The following PKHD1 variants were observed in gnomAD, a reference collection of about 807,000 sequenced individuals.
PKHD1 encodes the protein fibrocystin.
A neutral mutation model predicts 412.0 loss-of-function variants in PKHD1; 291 were observed. The ratio of observed to expected loss-of-function variants is 0.71; its 90% confidence interval spans 0.64 to 0.78. The LOEUF (loss-of-function observed/expected upper bound fraction) is 0.78, where lower values mean the gene tolerates loss of function less well. PKHD1 is among the 30% of genes least tolerant of loss of function. The pLI is 0.00. For synonymous variants in PKHD1, 1,777 were observed against 1,821.5 expected (o/e 0.98, Z 0.62); for missense variants, 4,825 against 4,950.7 (o/e 0.97, Z 0.76).
At chr6:51,848,495 G>A (rs1163933328) in intron 49 of PKHD1, among the ~76,000 whole-genome samples, 1 of 152,132 alleles carries the variant, frequency 6.6e-6, no homozygotes, top group African/African-American at 2.4e-5. Flanking sequence ...TTTACATTGA[G>A]GAAACTGAGG....
At position 52,017,499 on chromosome 6, in the gene PKHD1, G is replaced by A. The variant is rs1241103975; in HGVS notation, c.5511C>T (p.Leu1837=). The part of the protein sequence containing the change: ...TEQLLESWPY[L]YICEESSQCL... ...ATTGGGAACTTTCCTCGCAAATGTA[G>A]AGGTAAGGCCACGATTCAAGCAGTT... Residue 1837 remains leucine (L), a synonymous_variant, in exon 34 of 67, where the codon CTC becomes CTT. Coordinates refer to ENST00000371117, the MANE Select transcript of PKHD1 (RefSeq NM_138694.4). 1.9e-6 allele frequency: 3 copies of A among 1,614,018 alleles called. No homozygotes were observed. The South Asian group carries it at 3.3e-5, about 18-fold the overall frequency.
At chr6:51,825,351 G>C (rs1767127785) in intron 52 of PKHD1, among the ~76,000 whole-genome samples, 1 of 152,156 alleles carries the variant, frequency 6.6e-6, no homozygotes, top group Non-Finnish European at 1.5e-5. Context: ...CAGCTTAGAA[G>C]GCATGTGGCT....
chr6:51,670,290 A>G (rs1445750902), intron 60 of PKHD1, among the ~76,000 whole-genome samples: 1 of 152,098 alleles, frequency 6.6e-6, no homozygotes, highest in African/African-American at 2.4e-5. Context: ...TGATCCGTTT[A>G]CCATTATGTA....
At chr6:51,819,515 T>C (rs1766026772) in intron 52 of PKHD1, among the ~76,000 whole-genome samples, 1 of 152,128 alleles carries the variant, frequency 6.6e-6, no homozygotes, top group East Asian at 1.9e-4. Flanking sequence ...TCTTACAGTA[T>C]ATGCTTTCAT....
intron 61 of PKHD1, among the ~76,000 whole-genome samples, chr6:51,655,681 C>T (rs1325301509): frequency 1.3e-5 from 2 of 152,088 alleles, no homozygotes; most frequent in Admixed American, 1.3e-4. Context: ...GCCAGGAGTC[C>T]AGACAGGCTT....
At chr6:51,674,221 A>G (rs1049298516) in intron 60 of PKHD1, among the ~76,000 whole-genome samples, 7 of 152,190 alleles carry the variant, frequency 4.6e-5, no homozygotes, top group African/African-American at 1.7e-4. Flanking sequence ...TTGTCATTTC[A>G]GCTATCACAT....
At chr6:51,672,355 T>C (rs1294742422) in intron 60 of PKHD1, among the ~76,000 whole-genome samples, 3 of 152,190 alleles carry the variant, frequency 2.0e-5, no homozygotes, top group East Asian at 3.9e-4. Context: ...ACACCACTTA[T>C]GATGAAGGAA....
At position 51,965,927 on chromosome 6, in the gene PKHD1, T is replaced by A. The variant is rs114182017; in HGVS notation, c.5752-5901A>T. 3.4e-3 allele frequency among the ~76,000 whole-genome samples: 519 copies of A among 152,198 alleles called. 1 individual carries two copies. Among genetic ancestry groups the A allele is most frequent in the African/African-American group, 0.012 (499 of 41,516 alleles). ...CGTTTCCTCTATTTGAATCTTCAAA[T>A]CTCCTCTAATAGTATCTCTTCTGAA... On this transcript the variant is annotated intron_variant, in intron 35 of 66. Coordinates refer to ENST00000371117, the MANE Select transcript of PKHD1 (RefSeq NM_138694.4).
chr6:51,986,485 A>C (rs1796232391), intron 35 of PKHD1, among the ~76,000 whole-genome samples: 1 of 152,224 alleles, frequency 6.6e-6, no homozygotes, highest in African/African-American at 2.4e-5. Context: ...GAAGGGACGA[A>C]ATACATCAAT....
intron 55 of PKHD1, among the ~76,000 whole-genome samples, chr6:51,765,978 A>G (rs766261547): frequency 1.1e-4 from 17 of 152,116 alleles, no homozygotes; most frequent in Non-Finnish European, 1.6e-4. Flanking sequence ...AGCCTTCTCC[A>G]ACTTCCCATA....
At chr6:51,717,185 G>A (rs550081759) in intron 60 of PKHD1, among the ~76,000 whole-genome samples, 2 of 152,348 alleles carry the variant, frequency 1.3e-5, no homozygotes, top group African/African-American at 4.8e-5. Context: ...GCCAAGGCAG[G>A]CGGATCACTT....
chr6:51,938,160 A>T (rs776039008), intron 36 of PKHD1, among the ~76,000 whole-genome samples: 22 of 152,370 alleles, frequency 1.4e-4, no homozygotes, highest in Non-Finnish European at 3.1e-4. Flanking sequence ...TATTTAAATG[A>T]TTACTAGCCA....
Position 51,747,786 on chromosome 6 carries a change from C to A in PKHD1, c.9829+1G>T, listed in dbSNP as rs1273202231. On this transcript the variant is annotated splice_donor_variant, in intron 58 of 66. Coordinates refer to ENST00000371117, the MANE Select transcript of PKHD1 (RefSeq NM_138694.4). LOFTEE classifies it high-confidence loss of function. ...TGCCTAGATAAAATAAAACATCCTA[C>A]CTTGAAGTTTCATGATTCCTGAAAT... is the stretch of plus-strand genomic sequence containing the variant. The A allele has an allele frequency of 6.2e-7, 1 of 1,612,448 alleles. No individual in the cohort carries two copies. The highest frequency in any genetic ancestry group is 8.5e-7 in the Non-Finnish European group (1 of 1,178,628).
chr6:51,749,304 C>T (rs1785701646), intron 57 of PKHD1, among the ~76,000 whole-genome samples: 2 of 152,072 alleles, frequency 1.3e-5, no homozygotes, highest in South Asian at 4.1e-4. Flanking sequence ...ACTTTATTCA[C>T]TGTTTCATTT....
rs1473935836 is a variant in PKHD1 at position 51,870,689 on chromosome 6, C to T, written c.7351-50G>A. The T allele has an allele frequency of 4.9e-6, 7 of 1,425,402 alleles. No homozygotes were observed. In the African/African-American group the frequency reaches 9.9e-5, roughly 20 times the overall value. The allele number at this position is 1,425,402 out of a possible 1,614,324, so 88.3% of individuals were successfully genotyped here. On this transcript the variant is annotated intron_variant, in intron 46 of 66. Transcript: ENST00000371117. The stretch of plus-strand genomic sequence containing the variant: ...GAAAGCAAAATAAGAAAACTGGACA[C>T]ATGAAATACAATTCATAATGCATGA...
In PKHD1 at chr6:51,709,123, C is replaced by A. The variant is rs76689413; in HGVS notation, c.10156+35262G>T. On this transcript the variant is annotated intron_variant, in intron 60 of 66. Transcript: ENST00000371117. ...AACTTTCCTGGTTATCACATTTGTG[C>A]TTTGTATTACAATCAGTTTTTTAAT... 1.7e-3 allele frequency among the ~76,000 whole-genome samples: 261 copies of A among 152,292 alleles called. 3 individuals are homozygous for A. The East Asian group carries it at 0.041, about 24-fold the overall frequency.
chr6:51,813,710 GAT>G (rs1765031860), intron 52 of PKHD1, among the ~76,000 whole-genome samples: 1 of 152,168 alleles, frequency 6.6e-6, no homozygotes, highest in Non-Finnish European at 1.5e-5. Context: ...TGTGATGGGA[GAT>G]TGTAGAAATA....
chr6:52,027,410 T>C (rs2128150134), intron 31 of PKHD1, among the ~76,000 whole-genome samples: 1 of 151,828 alleles, frequency 6.6e-6, no homozygotes, highest in East Asian at 1.9e-4. Flanking sequence ...AGGGCACCTG[T>C]AATTCCAGCT....
At chr6:51,709,848 C>CTT (rs1780440977) in intron 60 of PKHD1, among the ~76,000 whole-genome samples, 1 of 73,930 alleles carries the variant, frequency 1.4e-5, no homozygotes, top group Non-Finnish European at 2.3e-5. Flanking sequence ...ATGCTTTAGT[C>CTT]ATTTTTTTTT....
Sources: allele counts gnomAD v4.1 joint callset (sites outside exome capture counted in the v4.1 genomes callset), GRCh38; gene constraint gnomAD v4.1.1; transcripts MANE v1.5; gene names NCBI Gene and HGNC (gene_info 2026-07-23, HGNC 2026-07-21).